DGKB: variants seen among roughly 807,000 people sequenced by gnomAD.
The protein encoded by DGKB is 90 kDa diacylglycerol kinase.
In DGKB, 67 loss-of-function variants were observed where a neutral mutation model predicts 114.3. The ratio of observed to expected loss-of-function variants is 0.59; its 90% CI spans 0.48 to 0.72. The LOEUF is 0.72. Among genes scored for constraint, DGKB ranks in the 30% least tolerant of loss-of-function variants. DGKB has a pLI of 0.00. For synonymous variants in DGKB, 398 were observed against 323.1 expected, an observed-to-expected ratio of 1.23 and a Z score of -2.49; for missense variants, 907 against 975.2, an observed-to-expected ratio of 0.93 and a Z score of 0.93.
upstream of DGKB, among the ~76,000 whole-genome samples, chr7:14,906,447 C>CTTTTTTTTT (rs34250901): frequency 1.4e-4 from 15 of 103,882 alleles, no homozygotes; most frequent in Admixed American, 2.4e-4. Context: ...TTTTTTCTGT[C>CTTTTTTTTT]TTTTTTTTTT....
intron 1 of DGKB, among the ~76,000 whole-genome samples, chr7:14,920,529 C>A (rs1441026042): frequency 1.3e-5 from 2 of 152,144 alleles, no homozygotes; most frequent in Non-Finnish European, 2.9e-5. Context: ...ACAACCAGAA[C>A]TTCATTCATT....
intron 23 of DGKB, among the ~76,000 whole-genome samples, chr7:14,202,431 C>G (rs1018897917): frequency 6.6e-6 from 1 of 151,906 alleles, no homozygotes; most frequent in African/African-American, 2.4e-5. Context: ...TTTTCAGGGG[C>G]AAAAGCTGTT....
intron 2 of DGKB, among the ~76,000 whole-genome samples, chr7:14,798,347 C>T (rs1841696651): frequency 6.6e-6 from 1 of 152,126 alleles, no homozygotes; most frequent in African/African-American, 2.4e-5. Flanking sequence ...GCATCTTCTC[C>T]CTCTCCCATA....
At chr7:14,454,750 A>G (rs955554872) in intron 21 of DGKB, among the ~76,000 whole-genome samples, 4 of 152,066 alleles carry the variant, frequency 2.6e-5, no homozygotes, top group Admixed American at 2.6e-4. Flanking sequence ...TAGCATCAAT[A>G]TCCTGCATAC....
chr7:14,371,767 A>G (rs1817697686), intron 21 of DGKB, among the ~76,000 whole-genome samples: 1 of 152,068 alleles, frequency 6.6e-6, no homozygotes, highest in Non-Finnish European at 1.5e-5. Context: ...TGTTTCCTAG[A>G]TTTCCTTCTA....
intron 23 of DGKB, among the ~76,000 whole-genome samples, chr7:14,266,058 A>G (rs1233077886): frequency 6.6e-6 from 1 of 152,152 alleles, no homozygotes; most frequent in African/African-American, 2.4e-5. Context: ...AGTGCTACAT[A>G]AAAGGCAACC....
At chr7:14,222,935 C>T (rs1481578339) in intron 23 of DGKB, among the ~76,000 whole-genome samples, 1 of 151,604 alleles carries the variant, frequency 6.6e-6, no homozygotes, top group East Asian at 1.9e-4. Flanking sequence ...GTTTTAAACT[C>T]TATCAGTATA....
chr7:14,425,470 C>G (rs1335502259), intron 21 of DGKB, among the ~76,000 whole-genome samples: 1 of 151,924 alleles, frequency 6.6e-6, no homozygotes, highest in South Asian at 2.1e-4. Flanking sequence ...CATTTTCATA[C>G]TGAAATCAAA....
intron 21 of DGKB, among the ~76,000 whole-genome samples, chr7:14,418,487 T>C (rs1826147159): frequency 6.6e-6 from 1 of 150,776 alleles, no homozygotes; most frequent in African/African-American, 2.4e-5. Flanking sequence ...CAGCATACAA[T>C]ACAAAGTGAA....
chr7:14,625,189 A>G (rs1808355227), intron 14 of DGKB, among the ~76,000 whole-genome samples: 1 of 152,178 alleles, frequency 6.6e-6, no homozygotes, highest in South Asian at 2.1e-4. Flanking sequence ...GTAAGCATTC[A>G]TTTAAACACA....
At chr7:14,831,624 A>T (rs1225702181) in intron 2 of DGKB, among the ~76,000 whole-genome samples, 1 of 152,060 alleles carries the variant, frequency 6.6e-6, no homozygotes, top group Non-Finnish European at 1.5e-5. Flanking sequence ...CATGAGGTAC[A>T]TGCTGTTTGC....
chr7:14,806,854 T>A (rs184400739), intron 2 of DGKB, among the ~76,000 whole-genome samples: 1 of 152,120 alleles, frequency 6.6e-6, no homozygotes, highest in Non-Finnish European at 1.5e-5. Context: ...AAATATAACC[T>A]AGGCCCAGAA....
chr7:14,741,255 T>A (rs937866787), intron 4 of DGKB, among the ~76,000 whole-genome samples: 1 of 152,174 alleles, frequency 6.6e-6, no homozygotes, highest in African/African-American at 2.4e-5. Context: ...AAAATATTTT[T>A]TAACAGTCAG....
At chr7:14,590,448 T>A (rs556370071) in intron 17 of DGKB, among the ~76,000 whole-genome samples, 33 of 152,218 alleles carry the variant, frequency 2.2e-4, no homozygotes, top group African/African-American at 7.7e-4. Flanking sequence ...TCCATGATGA[T>A]GTTTCATCTG....
At chr7:14,661,544 G>T (rs1398956848) in intron 13 of DGKB, among the ~76,000 whole-genome samples, 3 of 150,928 alleles carry the variant, frequency 2.0e-5, no homozygotes, top group Non-Finnish European at 4.4e-5. Flanking sequence ...TCATTAAAAA[G>T]TCAGGAAACA....
chr7:14,584,660 T>C (rs910581373), intron 17 of DGKB, among the ~76,000 whole-genome samples: 4 of 151,960 alleles, frequency 2.6e-5, no homozygotes, highest in African/African-American at 4.8e-5. Context: ...TTATTTTTTA[T>C]TTTTATTTTT....
At chr7:14,251,473 C>A (rs1369076834) in intron 23 of DGKB, among the ~76,000 whole-genome samples, 1 of 152,044 alleles carries the variant, frequency 6.6e-6, no homozygotes, top group East Asian at 1.9e-4. Flanking sequence ...ATTACTGTAG[C>A]TATGGGTTTT....
intron 13 of DGKB, among the ~76,000 whole-genome samples, chr7:14,635,941 A>T (rs2128862778): frequency 6.6e-6 from 1 of 151,804 alleles, no homozygotes; most frequent in East Asian, 1.9e-4. Flanking sequence ...ATAGCACTAT[A>T]GGTAATGAAA....
At chr7:14,880,506 T>G (rs1854058164) in intron 1 of DGKB, among the ~76,000 whole-genome samples, 1 of 152,098 alleles carries the variant, frequency 6.6e-6, no homozygotes, top group African/African-American at 2.4e-5. Context: ...TGTTTCTAGA[T>G]GAAGCAATGG....
Sources: allele counts gnomAD v4.1 joint callset (sites outside exome capture counted in the v4.1 genomes callset), GRCh38; gene constraint gnomAD v4.1.1; transcripts MANE v1.5; gene names NCBI Gene and HGNC (gene_info 2026-07-23, HGNC 2026-07-21).